The following EGFLAM variants were observed in gnomAD, a reference collection of about 807,000 sequenced individuals.
EGFLAM encodes EGF like, fibronectin type III and laminin G domains.
In EGFLAM, 79 loss-of-function variants were observed where a neutral mutation model predicts 113.1. The ratio of observed to expected loss-of-function variants is 0.70; its 90% CI spans 0.58 to 0.84. EGFLAM has a LOEUF of 0.84. EGFLAM is among the 40% of genes least tolerant of loss of function. EGFLAM has a pLI of 0.00. For missense variants in EGFLAM, 1,265 were observed against 1,291.6 expected (o/e 0.98, Z 0.32); for synonymous variants, 504 against 487.6 (o/e 1.03, Z -0.44).
chr5:38,405,766 TG>T (rs1324172375), intron 6 of EGFLAM, among the ~76,000 whole-genome samples: 1 of 152,236 alleles, frequency 6.6e-6, no homozygotes, highest in African/African-American at 2.4e-5. Flanking sequence ...ATCTACTTTA[TG>T]AAATATTTCC....
intron 6 of EGFLAM, among the ~76,000 whole-genome samples, chr5:38,382,963 G>C (rs574347953): frequency 3.9e-5 from 6 of 152,244 alleles, no homozygotes; most frequent in African/African-American, 1.2e-4. Context: ...GGAGTGCAGG[G>C]GCATGCCAGC....
intron 1 of EGFLAM, chr5:38,282,573 C>T (rs1758046141): frequency 6.6e-6 from 1 of 152,192 alleles, no homozygotes; most frequent in South Asian, 2.1e-4. Context: ...TGAGAAAACC[C>T]TCAGGCAAAA....
chr5:38,346,004 C>G (rs1184801967), intron 3 of EGFLAM, among the ~76,000 whole-genome samples: 9 of 152,154 alleles, frequency 5.9e-5, no homozygotes, highest in Non-Finnish European at 1.5e-5. Context: ...GCCCTGACCA[C>G]TCAGCCCCCT....
At chr5:38,463,180 G>A (rs1396743517) in intron 21 of EGFLAM, among the ~76,000 whole-genome samples, 169 bp downstream of exon 21, 1 of 152,150 alleles carries the variant, frequency 6.6e-6, no homozygotes, top group African/African-American at 2.4e-5. Context: ...CATGGCTGAG[G>A]GGGCAGGAAG....
At chr5:38,424,857 A>G (rs1437789906) in intron 12 of EGFLAM, 110 bp from the exon 13 acceptor site, 53 of 1,423,880 alleles carry the variant, frequency 3.7e-5, no homozygotes, top group Non-Finnish European at 4.7e-5. Context: ...AACAGGAGTA[A>G]GAACTGAAAT....
chr5:38,303,969 CT>C (rs1292408843), intron 1 of EGFLAM, among the ~76,000 whole-genome samples: 1 of 146,260 alleles, frequency 6.8e-6, no homozygotes, highest in African/African-American at 2.7e-5. Flanking sequence ...AACCTTGTCT[CT>C]ACTAAAAAGT....
At chr5:38,373,470 T>G (rs891853815) in intron 6 of EGFLAM, among the ~76,000 whole-genome samples, 1 of 152,180 alleles carries the variant, frequency 6.6e-6, no homozygotes, top group Non-Finnish European at 1.5e-5. Context: ...TATGTCCCCA[T>G]GTACCAATTG....
intron 6 of EGFLAM, among the ~76,000 whole-genome samples, chr5:38,386,747 TGCCCGCCTCG>T (rs1336761817): frequency 6.6e-6 from 1 of 152,090 alleles, no homozygotes; most frequent in Non-Finnish European, 1.5e-5. Flanking sequence ...CCTTGTGATC[TGCCCGCCTCG>T]GCCTCTCAAA....
chr5:38,422,128 G>C (rs1195263852), intron 12 of EGFLAM, among the ~76,000 whole-genome samples: 1 of 152,084 alleles, frequency 6.6e-6, no homozygotes, highest in African/African-American at 2.4e-5. Flanking sequence ...TCTCTTTAAG[G>C]AACTCCACCC....
At chr5:38,293,802 G>C (rs1347019714) in intron 1 of EGFLAM, among the ~76,000 whole-genome samples, 1 of 152,176 alleles carries the variant, frequency 6.6e-6, no homozygotes, top group Non-Finnish European at 1.5e-5. Context: ...GGAGCCATTT[G>C]TAGGAAAAAT....
chr5:38,383,314 A>T (rs944449384), intron 6 of EGFLAM, among the ~76,000 whole-genome samples: 1 of 152,246 alleles, frequency 6.6e-6, no homozygotes, highest in African/African-American at 2.4e-5. Context: ...TTTCTTTCCA[A>T]AATAAAATGA....
chr5:38,383,080 G>A (rs746810339), intron 6 of EGFLAM, among the ~76,000 whole-genome samples: 4 of 152,220 alleles, frequency 2.6e-5, no homozygotes, highest in Non-Finnish European at 5.9e-5. Flanking sequence ...GTCACCTGAA[G>A]TGGTTGACCT....
At position 38,370,457 on chromosome 5, in the gene EGFLAM, C is replaced by T. The variant is rs755435692; in HGVS notation, c.707C>T (p.Thr236Ile). 3.1e-6 allele frequency: 5 copies of T among 1,613,868 alleles called. No individual in the cohort carries two copies. The highest frequency in any genetic ancestry group is 4.2e-6 in the Non-Finnish European group (5 of 1,179,884). ...PRSWPSDIIRTLCPEEAGSGR... is the reference protein window; with the variant it reads ...PRSWPSDIIRILCPEEAGSGR... ...AGCTGGCCCAGTGACATCATCCGGA[C>T]CCTCTGTGAGTACCAGGGTCCTTCT... Residue 236 changes from threonine (T) to isoleucine (I), a missense_variant, in exon 6 of 22, where the codon ACC (threonine) becomes ATC (isoleucine). Transcript: ENST00000322350.
At chr5:38,372,647 G>T (rs1395029529) in intron 6 of EGFLAM, among the ~76,000 whole-genome samples, 1 of 152,174 alleles carries the variant, frequency 6.6e-6, no homozygotes. Context: ...CAAAGTAATT[G>T]TGGGTAGGGA....
chr5:38,384,813 A>AT (rs558094585), intron 6 of EGFLAM, among the ~76,000 whole-genome samples: 328 of 152,096 alleles, frequency 2.2e-3, no homozygotes, highest in African/African-American at 7.4e-3. Context: ...GCTCAAAAGT[A>AT]TTTGGGGGCA....
rs188143319 is a variant in EGFLAM at position 38,386,055 on chromosome 5, A to C, written c.712+15593A>C. On this transcript the variant is annotated intron_variant, in intron 6 of 21. Coordinates refer to ENST00000322350, the MANE Select transcript of EGFLAM (RefSeq NM_152403.4). ...TTACACATGGAAAAGGTACAGTCAAACTATGGTATTATAATCTTACGGGCC... is the reference window on the plus strand; with the variant it reads ...TTACACATGGAAAAGGTACAGTCAACCTATGGTATTATAATCTTACGGGCC... Among the ~76,000 whole-genome samples, 111 of 152,330 alleles carry C rather than the reference A, an allele frequency of 7.3e-4. 3 individuals are homozygous for C. In the South Asian group the frequency reaches 9.9e-3, roughly 14 times the overall value.
chr5:38,387,077 G>T (rs915073593), intron 6 of EGFLAM, among the ~76,000 whole-genome samples: 1 of 152,184 alleles, frequency 6.6e-6, no homozygotes, highest in Non-Finnish European at 1.5e-5. Flanking sequence ...AGGGGCAGGC[G>T]ATGAGAAACA....
At chr5:38,358,778 T>A (rs1739836726) in intron 5 of EGFLAM, among the ~76,000 whole-genome samples, 1 of 152,194 alleles carries the variant, frequency 6.6e-6, no homozygotes, top group Non-Finnish European at 1.5e-5. Flanking sequence ...AGGCTATTTG[T>A]TAGCTTTCTT....
chr5:38,258,997 A>G, intron 1 of EGFLAM, 146 bp downstream of exon 1: 1 of 902,160 alleles, frequency 1.1e-6, no homozygotes, highest in Non-Finnish European at 1.6e-6. Flanking sequence ...GAGCTGAGAA[A>G]AGACGCAAAC....
Sources: allele counts gnomAD v4.1 joint callset (sites outside exome capture counted in the v4.1 genomes callset), GRCh38; gene constraint gnomAD v4.1.1; transcripts MANE v1.5; gene names NCBI Gene and HGNC (gene_info 2026-07-23, HGNC 2026-07-21).